EPAS1: variants seen among roughly 807,000 people sequenced by gnomAD.
The protein encoded by EPAS1 is endothelial PAS domain protein 1.
Under a neutral mutation model 87.9 loss-of-function variants are expected in EPAS1, and 23 were observed. That is an observed-to-expected ratio of 0.26 (90% CI 0.19 to 0.37). The LOEUF is 0.37. Ranked by LOEUF, EPAS1 falls within the 10% of genes least tolerant of loss-of-function variation. The pLI is 1.00. For missense variants in EPAS1, 1,138 were observed against 1,120.7 expected, an observed-to-expected ratio of 1.02 and a Z score of -0.22; for synonymous variants, 508 against 444.3, an observed-to-expected ratio of 1.14 and a Z score of -1.80.
At chr2:46,377,863 G>A in intron 9 of EPAS1, 31 bp from the exon 10 acceptor site, 2 of 1,551,734 alleles carry the variant, frequency 1.3e-6, no homozygotes, top group Non-Finnish European at 1.7e-6. Context: ...ATGGTTGTGG[G>A]TGTTCACCTC....
intron 2 of EPAS1, among the ~76,000 whole-genome samples, chr2:46,349,696 G>A (rs1684109882): frequency 6.6e-6 from 1 of 152,256 alleles, no homozygotes; most frequent in African/African-American, 2.4e-5. Flanking sequence ...GGGAGGAGGA[G>A]ATGGTTTCTC....
At chr2:46,323,790 G>T (rs1238377049) in intron 1 of EPAS1, among the ~76,000 whole-genome samples, 2 of 152,228 alleles carry the variant, frequency 1.3e-5, no homozygotes, top group East Asian at 3.9e-4. Context: ...TATGCCCCTA[G>T]GTCACTTGCT....
At chr2:46,382,121 G>C (rs1260963617) in intron 14 of EPAS1, 32 bp downstream of exon 14, 1 of 1,601,424 alleles carries the variant, frequency 6.2e-7, no homozygotes, top group Admixed American at 1.7e-5. Context: ...GGGCCTCCTG[G>C]GGGTTCTGGT....
chr2:46,344,155 T>G (rs1205954379), intron 1 of EPAS1, among the ~76,000 whole-genome samples: 1 of 152,232 alleles, frequency 6.6e-6, no homozygotes, highest in Non-Finnish European at 1.5e-5. Context: ...TATAATGAAC[T>G]AATATATGAA....
intron 1 of EPAS1, among the ~76,000 whole-genome samples, chr2:46,342,324 G>A (rs1683930045): frequency 6.6e-6 from 1 of 152,172 alleles, no homozygotes; most frequent in South Asian, 2.1e-4. Flanking sequence ...TCATAGAAGT[G>A]TCACTAGACC....
At chr2:46,328,255 G>C (rs73926257) in intron 1 of EPAS1, among the ~76,000 whole-genome samples, 9,985 of 152,292 alleles carry the variant, frequency 0.066, 1,089 homozygotes, top group African/African-American at 0.23. Flanking sequence ...CTAGGAGCTT[G>C]AGTGGGTCTT....
chr2:46,340,261 G>C (rs1214083775), intron 1 of EPAS1, among the ~76,000 whole-genome samples: 1 of 152,098 alleles, frequency 6.6e-6, no homozygotes, highest in Non-Finnish European at 1.5e-5. Context: ...AACCCAAGCA[G>C]AATTGACCAT....
Position 46,371,066 on chromosome 2 carries a change from C to G in EPAS1, c.886+1133C>G, listed in dbSNP as rs776911180. Among the ~76,000 whole-genome samples the G allele has an allele frequency of 3.9e-4, 60 of 152,164 alleles. No individual in the cohort carries two copies. The highest frequency in any genetic ancestry group is 5.4e-4 in the Non-Finnish European group (37 of 68,038). On this transcript the variant is annotated intron_variant, in intron 7 of 15. Coordinates refer to ENST00000263734, the MANE Select transcript of EPAS1 (RefSeq NM_001430.5). The surrounding 1 kb of genome is among the most constrained non-coding windows in gnomAD (Gnocchi z 4.3). ...GCACTATATAAACCGATGGGCAAGA[C>G]TGTATTTGGAAAAGAATGCTTCAAA...
At chr2:46,332,946 T>C (rs1166289449) in intron 1 of EPAS1, among the ~76,000 whole-genome samples, 2 of 152,158 alleles carry the variant, frequency 1.3e-5, no homozygotes, top group Admixed American at 6.5e-5. Context: ...GGTCTGCCCT[T>C]GTCCGGACTT....
intron 6 of EPAS1, among the ~76,000 whole-genome samples, chr2:46,362,852 T>C (rs1396139396): frequency 6.6e-6 from 1 of 152,186 alleles, no homozygotes; most frequent in Non-Finnish European, 1.5e-5. Flanking sequence ...TGGGTAGTTA[T>C]ATAAGTAGAA....
At chr2:46,350,417 C>T (rs1012251254) in intron 2 of EPAS1, among the ~76,000 whole-genome samples, 2 of 152,210 alleles carry the variant, frequency 1.3e-5, no homozygotes, top group South Asian at 2.1e-4. Context: ...TTGATTTTCA[C>T]AGTAGGCTGT....
intron 1 of EPAS1, among the ~76,000 whole-genome samples, chr2:46,342,980 G>A (rs540830496): frequency 2.0e-4 from 31 of 152,216 alleles, no homozygotes; most frequent in African/African-American, 7.0e-4. Context: ...ATATGAAAAT[G>A]TCCAGGGGGA....
chr2:46,367,570 C>T (rs1684529541), intron 6 of EPAS1, among the ~76,000 whole-genome samples: 1 of 152,240 alleles, frequency 6.6e-6, no homozygotes, highest in Non-Finnish European at 1.5e-5. Context: ...GGGCGCCAGC[C>T]CCAGGGTCAG....
Position 46,384,491 on chromosome 2 carries a change from T to C in EPAS1, c.2462-18T>C, listed in dbSNP as rs995367487. ...TTCGATTTAGGCCTTTAAGTTATGG[T>C]ACCAACCCTTCTTTCAGGCATGGCA... On this transcript the variant is annotated intron_variant, in intron 15 of 15. Transcript: ENST00000263734. 1.2e-6 allele frequency: 2 copies of C among 1,614,202 alleles called. No individual in the cohort carries two copies. Among genetic ancestry groups the C allele is most frequent in the Non-Finnish European group, 1.7e-6 (2 of 1,180,030 alleles).
chr2:46,308,581 A>G (rs1453568066), intron 1 of EPAS1, among the ~76,000 whole-genome samples: 1 of 151,998 alleles, frequency 6.6e-6, no homozygotes, highest in Non-Finnish European at 1.5e-5. Flanking sequence ...TTATTCATGT[A>G]GATTTGACCC....
chr2:46,365,584 A>G (rs775116047), intron 6 of EPAS1, among the ~76,000 whole-genome samples: 10 of 152,360 alleles, frequency 6.6e-5, no homozygotes, highest in Admixed American at 3.9e-4. Flanking sequence ...TCTTACCCCT[A>G]CAGGTACCCT....
At chr2:46,354,904 G>A (rs1016247279) in intron 2 of EPAS1, among the ~76,000 whole-genome samples, 1 of 152,072 alleles carries the variant, frequency 6.6e-6, no homozygotes, top group African/African-American at 2.4e-5. Flanking sequence ...TGCTCCAGGT[G>A]TTTTCCAGTG....
chr2:46,382,036 G>T lies in EPAS1; in HGVS notation c.2234G>T (p.Gly745Val). The T allele has an allele frequency of 1.2e-6, 2 of 1,614,058 alleles. No homozygotes were observed. The highest frequency in any genetic ancestry group is 8.5e-7 in the Non-Finnish European group (1 of 1,180,022). The stretch of plus-strand genomic sequence containing the variant: ...TGGAAACGGATGAAGAACCTCAGGG[G>T]TGGGAGCTGCCCTTTGATGCCGGAC... ...LMWKRMKNLR[G>V]GSCPLMPDKP... is the part of the protein sequence containing the mutation. Residue 745 changes from glycine (G) to valine (V), a missense_variant, in exon 14 of 16, where the codon GGT becomes GTT. By Grantham distance (109) the Gly-to-Val change is moderately radical. Coordinates refer to ENST00000263734, the MANE Select transcript of EPAS1 (RefSeq NM_001430.5).
chr2:46,382,117 C>T (rs1684910988), intron 14 of EPAS1, 28 bp downstream of exon 14: 3 of 1,603,738 alleles, frequency 1.9e-6, no homozygotes, highest in Admixed American at 3.4e-5. Flanking sequence ...GCCTGGGCCT[C>T]CTGGGGGTTC....
Sources: gnomAD v4.1 joint callset for allele counts (sites outside exome capture counted in the v4.1 genomes callset) on GRCh38, gnomAD v4.1.1 for gene constraint, Gnocchi (gnomAD v3.1) non-coding constraint, MANE v1.5 for transcripts, NCBI Gene and HGNC (gene_info 2026-07-23, HGNC 2026-07-21) for gene names.